The following LRRC31 variants were observed in gnomAD, a reference collection of about 807,000 sequenced individuals.
LRRC31 encodes the protein leucine-rich repeat-containing protein 31.
In LRRC31, 35 loss-of-function variants were observed where a neutral mutation model predicts 46.7. The observed-to-expected ratio is 0.75, with a 90% CI of 0.57 to 0.99. The LOEUF is 0.99. Among genes scored for constraint, LRRC31 ranks in the 50% least tolerant of loss-of-function variants. The probability of loss-of-function intolerance (pLI) is 0.00; values close to 1 mark genes in which losing one functional copy is unlikely to be tolerated. For missense variants in LRRC31, 613 were observed against 626.1 expected (o/e 0.98, Z 0.22); for synonymous variants, 236 against 235.1 (o/e 1.00, Z -0.03).
chr3:169,869,604 A>C, intron 1 of LRRC31, 29 bp downstream of exon 1: 1 of 1,542,456 alleles, frequency 6.5e-7, no homozygotes, highest in Non-Finnish European at 8.7e-7. Flanking sequence ...CAAATACAAC[A>C]GCAAAAACAC....
At chr3:169,859,250 G>C (rs928869868) in intron 3 of LRRC31, among the ~76,000 whole-genome samples, 1 of 139,092 alleles carries the variant, frequency 7.2e-6, no homozygotes, top group African/African-American at 2.7e-5. Flanking sequence ...AGCCAAGATT[G>C]CACCACTGCA....
At chr3:169,842,046 G>GA (rs980572001) in intron 8 of LRRC31, among the ~76,000 whole-genome samples, 2 of 151,758 alleles carry the variant, frequency 1.3e-5, no homozygotes, top group African/African-American at 2.4e-5. Flanking sequence ...CTCCCTCTCA[G>GA]AAAAAAATAA....
intron 8 of LRRC31, among the ~76,000 whole-genome samples, chr3:169,840,998 T>C (rs919252583): frequency 1.3e-5 from 2 of 152,124 alleles, no homozygotes; most frequent in Admixed American, 6.5e-5. Flanking sequence ...CAGGAATGGA[T>C]TGCAGAGATC....
chr3:169,852,523 C>T (rs1780818804), intron 6 of LRRC31, among the ~76,000 whole-genome samples: 1 of 151,334 alleles, frequency 6.6e-6, no homozygotes, highest in African/African-American at 2.4e-5. Context: ...CACATACTAA[C>T]TGCTCAATTA....
chr3:169,868,312 C>T (rs552955147), intron 1 of LRRC31, among the ~76,000 whole-genome samples: 8 of 152,268 alleles, frequency 5.3e-5, no homozygotes, highest in African/African-American at 1.9e-4. Flanking sequence ...GCACAAATAC[C>T]TAAGTGGCTC....
At chr3:169,842,452 G>C (rs1385888601) in intron 8 of LRRC31, among the ~76,000 whole-genome samples, 2 of 152,202 alleles carry the variant, frequency 1.3e-5, no homozygotes, top group African/African-American at 4.8e-5. Flanking sequence ...CCGGGTTCAA[G>C]TGATCCTCCT....
chr3:169,861,387 A>G (rs1449254539), intron 2 of LRRC31, among the ~76,000 whole-genome samples: 7 of 149,880 alleles, frequency 4.7e-5, no homozygotes, highest in East Asian at 2.0e-4. Context: ...AAAAAAAAGA[A>G]AAAAGAAAAA....
In LRRC31 at chr3:169,839,759, T is replaced by C. The variant is rs1187935287; in HGVS notation, c.*223A>G. 5.9e-6 allele frequency: 1 copy of C among 169,208 alleles called. No individual in the cohort carries two copies. The highest frequency in any genetic ancestry group is 1.2e-5 in the Non-Finnish European group (1 of 82,478). The allele number at this position is 169,208 out of a possible 1,614,324, so 10.5% of individuals were successfully genotyped here. Reference sequence around the variant, plus strand: ...GCATGCTCATATTAGATATTATATATATATTTACATATATATGTGTATTAT... The same window carrying C: ...GCATGCTCATATTAGATATTATATACATATTTACATATATATGTGTATTAT... On this transcript the variant is annotated 3_prime_UTR_variant, in exon 9 of 9. Transcript: ENST00000316428.
chr3:169,865,966 A>T (rs1270021585), intron 1 of LRRC31, among the ~76,000 whole-genome samples: 2 of 152,064 alleles, frequency 1.3e-5, no homozygotes, highest in Admixed American at 6.6e-5. Flanking sequence ...AGTAAATCAG[A>T]GGGCCACACG....
intron 7 of LRRC31, 53 bp from the exon 8 acceptor site, chr3:169,848,340 T>C: frequency 6.4e-7 from 1 of 1,553,504 alleles, no homozygotes; most frequent in Non-Finnish European, 8.8e-7. Context: ...TTACAGATCA[T>C]AGGCTTTGGA....
intron 8 of LRRC31, among the ~76,000 whole-genome samples, chr3:169,847,915 GA>G (rs1780652208): frequency 6.6e-6 from 1 of 152,148 alleles, no homozygotes; most frequent in South Asian, 2.1e-4. Context: ...ATCCTTTTAG[GA>G]AATGCCTTCC....
chr3:169,848,336 A>C (rs1238847604), intron 7 of LRRC31, 49 bp from the exon 8 acceptor site: 1 of 1,562,166 alleles, frequency 6.4e-7, no homozygotes, highest in Non-Finnish European at 8.8e-7. Flanking sequence ...TTTCTTACAG[A>C]TCATAGGCTT....
chr3:169,855,958 G>T (rs999197101), intron 5 of LRRC31, among the ~76,000 whole-genome samples: 1 of 151,964 alleles, frequency 6.6e-6, no homozygotes, highest in Non-Finnish European at 1.5e-5. Context: ...TCGGCTCGCT[G>T]CAACCTCACC....
At position 169,857,000 on chromosome 3, in the gene LRRC31, G is replaced by A. The variant is rs116195980; in HGVS notation, c.488-128C>T. On this transcript the variant is annotated intron_variant, in intron 3 of 8. Transcript: ENST00000316428. ...GCCAGGTACTGTCCTGTTTGGCACC[G>A]AGGAACAGAGAGAAGGAAAGAACCC... 3.0e-4 allele frequency: 230 copies of A among 755,400 alleles called. No homozygotes were observed. The African/African-American group carries it at 3.1e-3, about 10-fold the overall frequency. The allele number at this position is 755,400 out of a possible 1,614,324, so 46.8% of individuals were successfully genotyped here. A position where few individuals can be genotyped will look rare whatever the true frequency, so the allele number is the denominator to read the frequency against.
intron 1 of LRRC31, among the ~76,000 whole-genome samples, chr3:169,863,562 G>A (rs988173932): frequency 1.3e-5 from 2 of 152,180 alleles, no homozygotes; most frequent in African/African-American, 4.8e-5. Flanking sequence ...CGTAGGATAC[G>A]CGTCCTTGTT....
At chr3:169,857,345 T>TACACACAC (rs1180073387) in intron 3 of LRRC31, among the ~76,000 whole-genome samples, 68 of 89,390 alleles carry the variant, frequency 7.6e-4, no homozygotes, top group African/African-American at 2.2e-3. Context: ...TATATATATA[T>TACACACAC]ACACACACAC....
At chr3:169,868,142 GC>G (rs1781386301) in intron 1 of LRRC31, among the ~76,000 whole-genome samples, 1 of 152,138 alleles carries the variant, frequency 6.6e-6, no homozygotes, top group Non-Finnish European at 1.5e-5. Flanking sequence ...TGCCAATCTG[GC>G]CCCAGCGACC....
Position 169,855,685 on chromosome 3 carries a change from A to C in LRRC31, c.823+651T>G, listed in dbSNP as rs532691433. On this transcript the variant is annotated intron_variant, in intron 5 of 8. Coordinates refer to ENST00000316428, the MANE Select transcript of LRRC31 (RefSeq NM_024727.4). ...CGCCATCGAAGCCGTTCTTTTTATC[A>C]GTACCTATTCCTTCCTACTACTGAG... is the stretch of plus-strand genomic sequence containing the variant. Among the ~76,000 whole-genome samples, 5 of 152,352 alleles carry C rather than the reference A, an allele frequency of 3.3e-5. No homozygotes were observed. The East Asian group carries it at 5.8e-4, about 18-fold the overall frequency.
In LRRC31 at chr3:169,856,796, AG is replaced by A; in HGVS notation, c.563del (p.Pro188LeufsTer2). On this transcript the variant is annotated frameshift_variant, in exon 4 of 9. Transcript: ENST00000316428. LOFTEE classifies it high-confidence loss of function. ...SWNSKVGGNL[P>X]LILQKFQKGS... ...CTTTTTGGAACTTCTGAAGGATCAG[AG>A]GCAAATTTCCTCCCACTTTACTGTT... 6.2e-7 allele frequency: 1 copy of A among 1,608,910 alleles called. No individual in the cohort carries two copies. Among genetic ancestry groups the A allele is most frequent in the Non-Finnish European group, 8.5e-7 (1 of 1,177,708 alleles).
Sources: gnomAD v4.1 joint callset for allele counts (sites outside exome capture counted in the v4.1 genomes callset) on GRCh38, gnomAD v4.1.1 for gene constraint, MANE v1.5 for transcripts, NCBI Gene and HGNC (gene_info 2026-07-23, HGNC 2026-07-21) for gene names.